The following RBFOX1 variants were observed in gnomAD, a reference collection of about 807,000 sequenced individuals.
RBFOX1 encodes RNA binding protein fox-1 homolog 1.
A neutral mutation model predicts 57.7 loss-of-function variants in RBFOX1; 8 were observed. The observed-to-expected ratio is 0.14, with a 90% CI of 0.08 to 0.25. The LOEUF (loss-of-function observed/expected upper bound fraction) is 0.25, where lower values mean the gene tolerates loss of function less well. Ranked by LOEUF, RBFOX1 falls within the 10% of genes least tolerant of loss-of-function variation. The pLI, the probability that RBFOX1 is intolerant of heterozygous loss-of-function variation, is 1.00. For synonymous variants in RBFOX1, 326 were observed against 222.4 expected, an observed-to-expected ratio of 1.47 and a Z score of -4.15; for missense variants, 611 against 548.5, an observed-to-expected ratio of 1.11 and a Z score of -1.14.
At chr16:6,840,966 C>G (rs947343590) in intron 3 of RBFOX1, among the ~76,000 whole-genome samples, 1 of 151,748 alleles carries the variant, frequency 6.6e-6, no homozygotes, top group African/African-American at 2.4e-5. Context: ...TTAAGGGTAT[C>G]TACCAGGAGG....
chr16:7,326,455 G>A (rs2096613176), intron 4 of RBFOX1, among the ~76,000 whole-genome samples: 1 of 152,102 alleles, frequency 6.6e-6, no homozygotes, highest in Non-Finnish European at 1.5e-5. Flanking sequence ...TGTATGGGGT[G>A]TTGGTGGGGC....
chr16:6,809,057 C>G (rs1027558854), intron 3 of RBFOX1, among the ~76,000 whole-genome samples: 2 of 152,100 alleles, frequency 1.3e-5, no homozygotes, highest in African/African-American at 2.4e-5. Flanking sequence ...TTGGCCAATC[C>G]CAGCCGCCAT....
At chr16:6,996,771 G>T (rs369882309) in intron 3 of RBFOX1, among the ~76,000 whole-genome samples, 4 of 152,158 alleles carry the variant, frequency 2.6e-5, no homozygotes, top group East Asian at 3.9e-4. Flanking sequence ...TCAGATAGAG[G>T]GATTTAATTT....
intron 4 of RBFOX1, among the ~76,000 whole-genome samples, chr16:5,889,516 G>A (rs954857809): frequency 6.6e-5 from 10 of 152,186 alleles, no homozygotes; most frequent in Non-Finnish European, 1.5e-4. Context: ...AAATAGTGCT[G>A]CAATGAACAT....
intron 2 of RBFOX1, among the ~76,000 whole-genome samples, chr16:5,480,857 C>A (rs1197887180): frequency 1.3e-5 from 2 of 152,184 alleles, no homozygotes; most frequent in Admixed American, 1.3e-4. Flanking sequence ...TGGGTTGTTT[C>A]CACTGATTTG....
intron 3 of RBFOX1, among the ~76,000 whole-genome samples, chr16:6,844,125 C>G (rs1042538911): frequency 3.4e-5 from 2 of 58,300 alleles, no homozygotes; most frequent in Non-Finnish European, 6.1e-5. Flanking sequence ...CCCTGCATGG[C>G]TTTTCTCTCT....
intron 3 of RBFOX1, among the ~76,000 whole-genome samples, chr16:5,607,560 A>T (rs1158802715): frequency 2.6e-5 from 4 of 152,094 alleles, no homozygotes; most frequent in Non-Finnish European, 5.9e-5. Flanking sequence ...ATGGGGAGTG[A>T]AGGTCTTTTC....
intron 1 of RBFOX1, among the ~76,000 whole-genome samples, chr16:6,302,583 C>G (rs2078943617): frequency 1.3e-5 from 2 of 152,244 alleles, no homozygotes; most frequent in African/African-American, 2.4e-5. Flanking sequence ...CAGCGTTGAA[C>G]CATATGTACA....
chr16:5,699,265 A>T (rs751246046), intron 3 of RBFOX1, among the ~76,000 whole-genome samples: 2 of 151,920 alleles, frequency 1.3e-5, no homozygotes, highest in African/African-American at 4.8e-5. Flanking sequence ...TCGGTTTTCT[A>T]TGCAGTTATA....
At chr16:7,401,743 A>G (rs1280003018) in intron 4 of RBFOX1, among the ~76,000 whole-genome samples, 2 of 152,168 alleles carry the variant, frequency 1.3e-5, no homozygotes, top group Non-Finnish European at 2.9e-5. Flanking sequence ...ATTTGAAAAT[A>G]TTATGGACTC....
At chr16:6,949,555 C>A (rs763626380) in intron 3 of RBFOX1, among the ~76,000 whole-genome samples, 1 of 144,964 alleles carries the variant, frequency 6.9e-6, no homozygotes, top group African/African-American at 2.6e-5. Flanking sequence ...TGATGACGAT[C>A]TTCGGGGTGT....
At chr16:5,539,362 G>A (rs2044837298) in intron 2 of RBFOX1, among the ~76,000 whole-genome samples, 1 of 152,030 alleles carries the variant, frequency 6.6e-6, no homozygotes, top group South Asian at 2.1e-4. Context: ...GGAGGCTGAG[G>A]CGGGTGGATC....
chr16:6,398,320 C>G (rs2092925011), intron 2 of RBFOX1, among the ~76,000 whole-genome samples: 1 of 152,162 alleles, frequency 6.6e-6, no homozygotes, highest in South Asian at 2.1e-4. Flanking sequence ...CTTTCCAAAT[C>G]TCATGTCCTC....
At position 7,024,418 on chromosome 16, in the gene RBFOX1, G is replaced by C. The variant is rs117581397; in HGVS notation, c.-15-27639G>C. On this transcript the variant is annotated intron_variant, in intron 3 of 15. Coordinates refer to ENST00000550418, the MANE Select transcript of RBFOX1 (RefSeq NM_018723.4). ...AAGCAGTTTTAGCAATTATTTTTCT[G>C]TTTGGGGAACATTAAAACATAATCT... 9.5e-4 allele frequency among the ~76,000 whole-genome samples: 145 copies of C among 152,188 alleles called. 1 individual carries two copies. Among genetic ancestry groups the C allele is most frequent in the South Asian group, 2.3e-3 (11 of 4,822 alleles).
At position 7,361,045 on chromosome 16, in the gene RBFOX1, C is replaced by T. The variant is rs540759180; in HGVS notation, c.28-157102C>T. Reference sequence around the variant, plus strand: ...CCCAACCAGGAAGCTGGCTTTGTGGCGTGGTAGATGTTTGTAAACTCTGCC... The same window carrying T: ...CCCAACCAGGAAGCTGGCTTTGTGGTGTGGTAGATGTTTGTAAACTCTGCC... On this transcript the variant is annotated intron_variant, in intron 4 of 15. Transcript: ENST00000550418. Among the ~76,000 whole-genome samples, 12 of 152,252 alleles carry T rather than the reference C, an allele frequency of 7.9e-5. 1 individual carries two copies. The South Asian group carries it at 2.3e-3, about 29-fold the overall frequency.
At chr16:6,785,306 C>T (rs193144821) in intron 3 of RBFOX1, among the ~76,000 whole-genome samples, 18 of 152,128 alleles carry the variant, frequency 1.2e-4, no homozygotes, top group Admixed American at 3.3e-4. Flanking sequence ...GGCCATAAGC[C>T]ATCTCATTTA....
chr16:5,459,046 G>C (rs2068713923), intron 1 of RBFOX1, among the ~76,000 whole-genome samples: 1 of 152,188 alleles, frequency 6.6e-6, no homozygotes, highest in South Asian at 2.1e-4. Flanking sequence ...AGCCAGGGCA[G>C]ATGCTCCCTT....
chr16:7,484,493 C>T (rs2064861664), intron 4 of RBFOX1, among the ~76,000 whole-genome samples: 1 of 152,178 alleles, frequency 6.6e-6, no homozygotes, highest in Non-Finnish European at 1.5e-5. Context: ...GACAGAGTCT[C>T]ACTCTGTCAC....
chr16:5,538,078 C>T (rs891161854), intron 2 of RBFOX1, among the ~76,000 whole-genome samples: 14 of 152,072 alleles, frequency 9.2e-5, no homozygotes. Flanking sequence ...GCAGTCATAT[C>T]CTGACCCCAA....
Sources: gnomAD v4.1 joint callset for allele counts (sites outside exome capture counted in the v4.1 genomes callset) on GRCh38, gnomAD v4.1.1 for gene constraint, MANE v1.5 for transcripts, NCBI Gene and HGNC (gene_info 2026-07-23, HGNC 2026-07-21) for gene names.